MYO1F: variants seen among roughly 807,000 people sequenced by gnomAD.
MYO1F encodes the protein myosin IF, also known as unconventional myosin-If.
MYO1F carries 60 observed loss-of-function variants against 146.6 expected under a neutral mutation model. The ratio of observed to expected loss-of-function variants is 0.41; its 90% confidence interval spans 0.33 to 0.51. The LOEUF is 0.51. Among genes scored for constraint, MYO1F ranks in the 20% least tolerant of loss-of-function variants. The pLI, the probability that MYO1F is intolerant of heterozygous loss-of-function variation, is 0.25. For synonymous variants in MYO1F, 602 were observed against 602.1 expected (o/e 1.00, Z 0.00); for missense variants, 1,274 against 1,534.3 (o/e 0.83, Z 2.83).
chr19:8,546,048 T>C (rs1973338901), intron 12 of MYO1F, among the ~76,000 whole-genome samples: 1 of 150,516 alleles, frequency 6.6e-6, no homozygotes, highest in South Asian at 2.1e-4. Flanking sequence ...TAACACACTA[T>C]TTTGACTCTT....
chr19:8,526,920 G>A lies in MYO1F; in HGVS notation c.2490C>T (p.Asp830=). The A allele has an allele frequency of 1.9e-6, 3 of 1,614,036 alleles. No homozygotes were observed. Among genetic ancestry groups the A allele is most frequent in the Non-Finnish European group, 2.5e-6 (3 of 1,180,022 alleles). ...CGGCATCCTCTTGGAGGATGAAGAA[G>A]TCGTCCTGTCGCGTGCTGGGGAGGG... The part of the protein sequence containing the change: ...RGVSLSTRQD[D]FFILQEDAAD... The change falls in exon 23 of 28, where the codon GAC becomes GAT. Residue 830 remains aspartate (D), a synonymous_variant. Transcript: ENST00000644032.
At chr19:8,556,887 CAAAAAAAAAAAAAA>C (rs534645939) in intron 1 of MYO1F, among the ~76,000 whole-genome samples, 2 of 69,158 alleles carry the variant, frequency 2.9e-5, no homozygotes, top group African/African-American at 6.6e-5. Flanking sequence ...AACTCTGTCT[CAAAAAAAAAAAAAA>C]AAAAAAAAAG....
At position 8,553,019 on chromosome 19, in the gene MYO1F, C is replaced by T. The variant is rs797011481; in HGVS notation, c.504+120G>A. The T allele has an allele frequency of 6.2e-6, 6 of 970,258 alleles. No homozygotes were observed. In the African/African-American group the frequency reaches 9.6e-5, roughly 16 times the overall value. 60.1% of individuals were successfully genotyped at this position (970,258 alleles called of 1,614,324 possible). On this transcript the variant is annotated intron_variant, in intron 6 of 27. Transcript: ENST00000644032. Reference sequence around the variant, plus strand: ...GTCTCCCCTTCAGGAGTAGGTATTTCCTGCTGGGTTTTCAATGGACTCTTG... The same window carrying T: ...GTCTCCCCTTCAGGAGTAGGTATTTTCTGCTGGGTTTTCAATGGACTCTTG...
chr19:8,529,484 C>T (rs758103444), intron 21 of MYO1F, among the ~76,000 whole-genome samples: 25 of 152,020 alleles, frequency 1.6e-4, no homozygotes, highest in East Asian at 1.9e-4. Context: ...CATGAATGCA[C>T]GGGTCAGGTG....
In MYO1F at chr19:8,540,033, G is replaced by A. The variant is rs990403414; in HGVS notation, c.1611-5C>T. ...AAGAGCATCCGGAGGAAGGCCCTGG[G>A]TAGGAAAGGGGAGAGGAGGAGTTGG... On this transcript the variant is annotated splice_polypyrimidine_tract_variant and splice_region_variant and intron_variant, in intron 15 of 27. Coordinates refer to ENST00000644032, the MANE Select transcript of MYO1F (RefSeq NM_012335.4). The A allele has an allele frequency of 6.2e-7, 1 of 1,608,874 alleles. No homozygotes were observed. The highest frequency in any genetic ancestry group is 1.3e-5 in the African/African-American group (1 of 74,842).
intron 1 of MYO1F, among the ~76,000 whole-genome samples, chr19:8,569,098 T>TTGAA (rs200334457): frequency 1.5e-4 from 23 of 151,962 alleles, no homozygotes; most frequent in African/African-American, 3.4e-4. Flanking sequence ...TACATACTTG[T>TTGAA]TGAATGAATG....
At chr19:8,553,892 A>ACTTTCT (rs569819927) in intron 4 of MYO1F, among the ~76,000 whole-genome samples, 1 of 105,162 alleles carries the variant, frequency 9.5e-6, no homozygotes, top group Non-Finnish European at 2.0e-5. Flanking sequence ...ACACACACAC[A>ACTTTCT]CACTCTCTCT....
At chr19:8,527,627 T>G in intron 21 of MYO1F, 144 bp from the exon 22 acceptor site, 1 of 1,018,398 alleles carries the variant, frequency 9.8e-7, no homozygotes, top group Non-Finnish European at 1.5e-6. Flanking sequence ...AGTCGTCTGT[T>G]TTGTAGACAG....
In MYO1F at chr19:8,548,027, G is replaced by A. The variant is rs1477115400; in HGVS notation, c.1269+9C>T. 1 of 1,601,710 alleles carries A rather than the reference G, an allele frequency of 6.2e-7. No individual in the cohort carries two copies. On this transcript the variant is annotated intron_variant, in intron 12 of 27. Coordinates refer to ENST00000644032, the MANE Select transcript of MYO1F (RefSeq NM_012335.4). ...AGGATCCCCCATCCCTGACTGCTTG[G>A]CCGCCCACCTGCTCGGCCTTCAGGG...
intron 15 of MYO1F, among the ~76,000 whole-genome samples, chr19:8,540,838 C>T (rs1972932027): frequency 6.6e-6 from 1 of 152,082 alleles, no homozygotes; most frequent in South Asian, 2.1e-4. Flanking sequence ...GAAACCCTTA[C>T]GTGCACATGG....
chr19:8,551,113 G>A (rs912881986), intron 8 of MYO1F, among the ~76,000 whole-genome samples: 1 of 149,564 alleles, frequency 6.7e-6, no homozygotes, highest in African/African-American at 2.5e-5. Context: ...GTGCAGCGGC[G>A]CTATCTTGGC....
chr19:8,569,016 A>T (rs1170506407), intron 1 of MYO1F, among the ~76,000 whole-genome samples: 1 of 152,156 alleles, frequency 6.6e-6, no homozygotes, highest in African/African-American at 2.4e-5. Flanking sequence ...ATGCGCCGAG[A>T]TGCCTCAGGA....
Position 8,521,090 on chromosome 19 carries a change from C to T in MYO1F, c.*438G>A, listed in dbSNP as rs1443019557. 1 of 301,878 alleles carries T rather than the reference C, an allele frequency of 3.3e-6. No homozygotes were observed. The highest frequency in any genetic ancestry group is 8.5e-5 in the East Asian group (1 of 11,746). The allele number at this position is 301,878 out of a possible 1,614,324, so 18.7% of individuals were successfully genotyped here. On this transcript the variant is annotated 3_prime_UTR_variant, in exon 28 of 28. Coordinates refer to ENST00000644032, the MANE Select transcript of MYO1F (RefSeq NM_012335.4). ...CTGTGAAAACATCGTCCTTGTTGGG[C>T]ACTTAGTAAGTTAACTCGTGCTTTC...
At chr19:8,525,619 C>T (rs1599910056) in intron 24 of MYO1F, 57 bp from the exon 25 acceptor site, 2 of 1,460,114 alleles carry the variant, frequency 1.4e-6, no homozygotes, top group Admixed American at 1.8e-5. Flanking sequence ...TTTGCCCCGC[C>T]CACAAATCTA....
At position 8,526,588 on chromosome 19, in the gene MYO1F, C is replaced by T; in HGVS notation, c.2635G>A (p.Val879Met). ...LTFSDTLQFR[V>M]KKEGWGGGGT... ...CCACCGCCCCAGCCCTCCTTCTTCA[C>T]CCGAAACTGTAGTCTATGGGGAGAG... The change falls in exon 24 of 28, where the codon GTG (valine) becomes ATG (methionine). Residue 879 changes from valine (V) to methionine (M), a missense_variant. Physicochemically the swap from Val to Met is conservative, Grantham distance 21. Coordinates refer to ENST00000644032, the MANE Select transcript of MYO1F (RefSeq NM_012335.4). 1 of 1,596,924 alleles carries T rather than the reference C, an allele frequency of 6.3e-7. No individual in the cohort carries two copies.
At chr19:8,574,601 CTTT>C (rs1320235883) in intron 1 of MYO1F, among the ~76,000 whole-genome samples, 6,078 of 64,278 alleles carry the variant, frequency 0.095, 212 homozygotes, top group East Asian at 0.17. Context: ...CTCTCTCTTT[CTTT>C]CTTTCTTTCT....
Position 8,522,467 on chromosome 19 carries a change from G to A in MYO1F, c.3130C>T (p.Pro1044Ser), listed in dbSNP as rs184540632. ...RPKPQPRTHG[P>S]RCRALYQYVG... is the part of the protein sequence containing the mutation. ...TACTGGTATAGGGCCCGGCACCTGGGACCATGTGTCCGAGGCTGGGGCTTG... is the reference window on the plus strand; with the variant it reads ...TACTGGTATAGGGCCCGGCACCTGGAACCATGTGTCCGAGGCTGGGGCTTG... Residue 1044 changes from proline (P) to serine (S), a missense_variant, in exon 27 of 28, where the codon CCC becomes TCC. This residue lies in a region of MYO1F where 374 missense variants were observed against 379.2 expected (regional missense o/e 0.99). Coordinates refer to ENST00000644032, the MANE Select transcript of MYO1F (RefSeq NM_012335.4). 2.4e-5 allele frequency: 38 copies of A among 1,614,080 alleles called. No individual in the cohort carries two copies. Among genetic ancestry groups the A allele is most frequent in the Non-Finnish European group, 3.1e-5 (37 of 1,180,012 alleles).
rs1204150131 is a variant in MYO1F, at chr19:8,553,154, G to A, written c.489C>T (p.Asn163=). The A allele has an allele frequency of 1.2e-6, 2 of 1,614,112 alleles. No individual in the cohort carries two copies. The highest frequency in any genetic ancestry group is 1.7e-4 in the Middle Eastern group (1 of 6,050). Residue 163 remains asparagine, a synonymous_variant, in exon 6 of 28, where the codon AAC becomes AAT. Transcript: ENST00000644032. ...AFGNAKTVRN[N]NSSRFGKYFE... is the part of the protein sequence containing the mutation. ...AGAGACTTACAAAGCGGCTGGAATT[G>A]TTGTTGCGCACAGTCTTGGCGTTGC... is the stretch of plus-strand genomic sequence containing the variant.
intron 21 of MYO1F, among the ~76,000 whole-genome samples, chr19:8,527,800 T>C (rs1972330216): frequency 6.6e-6 from 1 of 152,122 alleles, no homozygotes; most frequent in Non-Finnish European, 1.5e-5. Flanking sequence ...TTTTGTAGAT[T>C]CAGGGTTTTG....
Sources: allele counts gnomAD v4.1 joint callset (sites outside exome capture counted in the v4.1 genomes callset), GRCh38; gene constraint gnomAD v4.1.1; regional missense constraint gnomAD v4.1.1; transcripts MANE v1.5; gene names NCBI Gene and HGNC (gene_info 2026-07-23, HGNC 2026-07-21).